HHIPL2: variants seen among roughly 807,000 people sequenced by gnomAD.
HHIPL2 encodes the protein HHIP-like protein 2.
Under a neutral mutation model 61.0 loss-of-function variants are expected in HHIPL2, and 61 were observed. The observed-to-expected ratio is 1.00, with a 90% CI of 0.81 to 1.24. The LOEUF (loss-of-function observed/expected upper bound fraction) is 1.24, where lower values mean the gene tolerates loss of function less well. Ranked by LOEUF, HHIPL2 falls within the 50% of genes most tolerant of loss-of-function variation. The pLI, the probability that HHIPL2 is intolerant of heterozygous loss-of-function variation, is 0.00. For synonymous variants in HHIPL2, 343 were observed against 357.4 expected, an observed-to-expected ratio of 0.96 and a Z score of 0.45; for missense variants, 885 against 910.2, an observed-to-expected ratio of 0.97 and a Z score of 0.36.
intron 5 of HHIPL2, among the ~76,000 whole-genome samples, chr1:222,536,832 T>G (rs1269143503): frequency 6.6e-6 from 1 of 152,074 alleles, no homozygotes; most frequent in Non-Finnish European, 1.5e-5. Flanking sequence ...GGAGAACAGC[T>G]TGAAGCCAGG....
chr1:222,539,018 T>C (rs1198861390), intron 4 of HHIPL2: 5 of 471,798 alleles, frequency 1.1e-5, no homozygotes, highest in Non-Finnish European at 1.5e-5. Context: ...ATTCCCTCCA[T>C]CTATGAGGCA....
chr1:222,538,854 T>G, intron 4 of HHIPL2, 80 bp from the exon 5 acceptor site: 1 of 1,451,574 alleles, frequency 6.9e-7, no homozygotes, highest in Non-Finnish European at 9.5e-7. Flanking sequence ...GACTTTTTAA[T>G]GCAGTTGCCT....
chr1:222,527,297 A>G (rs1046041812), intron 6 of HHIPL2, among the ~76,000 whole-genome samples: 3 of 152,184 alleles, frequency 2.0e-5, no homozygotes, highest in Non-Finnish European at 2.9e-5. Flanking sequence ...TTTCACGTGT[A>G]TGTTTGTTTA....
At chr1:222,536,256 AT>A (rs373290354) in intron 5 of HHIPL2, among the ~76,000 whole-genome samples, 1 of 152,116 alleles carries the variant, frequency 6.6e-6, no homozygotes, top group Non-Finnish European at 1.5e-5. Flanking sequence ...AACCAGACTG[AT>A]TTAAAAAAAA....
Position 222,540,085 on chromosome 1 carries a change from C to G in HHIPL2, c.1375G>C (p.Gly459Arg). 1 of 1,614,258 alleles carries G rather than the reference C, an allele frequency of 6.2e-7. No individual in the cohort carries two copies. Among genetic ancestry groups the G allele is most frequent in the South Asian group, 1.1e-5 (1 of 91,086 alleles). ...RFEEVDLILK[G>R]GNYGWRAKEG... ...TTTGCTCTCCAGCCATAGTTTCCAC[C>G]TTTCAAAATGAGGTCAACCTCTTCA... The change falls in exon 4 of 9, where the codon GGT (glycine) becomes CGT (arginine). Residue 459 changes from glycine to arginine, a missense_variant. Transcript: ENST00000343410.
chr1:222,535,445 C>T (rs559232602), intron 5 of HHIPL2, among the ~76,000 whole-genome samples: 13 of 152,284 alleles, frequency 8.5e-5, no homozygotes, highest in Middle Eastern at 3.4e-3. Context: ...CTACAAATTA[C>T]GACAACTTTG....
chr1:222,522,490 A>T lies in HHIPL2; in HGVS notation c.*111T>A. ...AGGGAGAGGAAAACCGCCCTGCCCC[A>T]CCTCTACCCTGGCTTCCCAGACTTC... On this transcript the variant is annotated 3_prime_UTR_variant, in exon 9 of 9. Coordinates refer to ENST00000343410, the MANE Select transcript of HHIPL2 (RefSeq NM_024746.4). 1 of 1,182,734 alleles carries T rather than the reference A, an allele frequency of 8.5e-7. No individual in the cohort carries two copies. The highest frequency in any genetic ancestry group is 1.5e-5 in the South Asian group (1 of 68,040). 73.3% of individuals were successfully genotyped at this position (1,182,734 alleles called of 1,614,324 possible). A position where few individuals can be genotyped will look rare whatever the true frequency, so the allele number is the denominator to read the frequency against.
At chr1:222,538,409 G>A (rs1461531386) in intron 5 of HHIPL2, among the ~76,000 whole-genome samples, 1 of 138,170 alleles carries the variant, frequency 7.2e-6, no homozygotes, top group Non-Finnish European at 1.5e-5. Flanking sequence ...TGAGCCCCTG[G>A]TATGAGAGAG....
In HHIPL2 at chr1:222,522,685, G is replaced by T. The variant is rs370605422; in HGVS notation, c.2091C>A (p.Gly697=). The part of the protein sequence containing the change: ...KARVGPHVRQ[G]KRRKSLKSHS... ...GGCTTTTCAGGCTCTTCCTCCTCTT[G>T]CCCTGGCGGACGTGGGGCCCCACTC... The change falls in exon 9 of 9, where the codon GGC becomes GGA. Residue 697 remains glycine (G), a synonymous_variant. Transcript: ENST00000343410. 1.4e-5 allele frequency: 22 copies of T among 1,613,956 alleles called. No individual in the cohort carries two copies. The highest frequency in any genetic ancestry group is 9.3e-5 in the African/African-American group (7 of 74,870).
chr1:222,534,957 A>C (rs4846381), intron 5 of HHIPL2, among the ~76,000 whole-genome samples: 70,152 of 151,954 alleles, frequency 0.46, 17,086 homozygotes, highest in East Asian at 0.66. Context: ...AAAGCTATAA[A>C]TTCACAGATC....
At chr1:222,546,827 C>T (rs1264231406) in intron 1 of HHIPL2, among the ~76,000 whole-genome samples, 2 of 152,194 alleles carry the variant, frequency 1.3e-5, no homozygotes, top group Non-Finnish European at 2.9e-5. Flanking sequence ...TCTGCAGGCT[C>T]AGGAACAGTG....
Position 222,540,327 on chromosome 1 carries a change from C to T in HHIPL2, c.1133G>A (p.Gly378Glu), listed in dbSNP as rs757002760. 1 of 1,605,518 alleles carries T rather than the reference C, an allele frequency of 6.2e-7. No homozygotes were observed. The highest frequency in any genetic ancestry group is 8.5e-7 in the Non-Finnish European group (1 of 1,174,780). Residue 378 changes from glycine (G) to glutamate (E), a missense_variant, in exon 4 of 9, where the codon GGA (glycine) becomes GAA (glutamate). By Grantham distance (98) the Gly-to-Glu change is moderately conservative. Coordinates refer to ENST00000343410, the MANE Select transcript of HHIPL2 (RefSeq NM_024746.4). ...GTTCACATCGATCCTTAAAACTTTT[C>T]CCAGCAGGGAACTTCTGAAAGAAAG... is the stretch of plus-strand genomic sequence containing the variant. ...GNAQNKSSLL[G>E]KVLRIDVNRA... is the part of the protein sequence containing the mutation.
Position 222,522,650 on chromosome 1 carries a change from C to G in HHIPL2, c.2126G>C (p.Arg709Thr). 6.2e-7 allele frequency: 1 copy of G among 1,614,206 alleles called. No homozygotes were observed. The highest frequency in any genetic ancestry group is 8.5e-7 in the Non-Finnish European group (1 of 1,180,042). Residue 709 changes from arginine (R) to threonine (T), a missense_variant, in exon 9 of 9, where the codon AGG becomes ACG. Arg to Thr is a moderately conservative substitution (Grantham distance 71). Coordinates refer to ENST00000343410, the MANE Select transcript of HHIPL2 (RefSeq NM_024746.4). ...RRKSLKSHSG[R>T]MRPSAEQKRA... ...CTTCTGCTCTGCTGATGGCCTCATCCTGCCACTGTGGCTTTTCAGGCTCTT... is the reference window on the plus strand; with the variant it reads ...CTTCTGCTCTGCTGATGGCCTCATCGTGCCACTGTGGCTTTTCAGGCTCTT...
chr1:222,527,066 T>C lies in HHIPL2; in HGVS notation c.1724-16A>G. ...TACAGCTCCCCTAAGGCAACAAAAA[T>C]AGACAGGCAATAATGGGACATCAGG... On this transcript the variant is annotated splice_polypyrimidine_tract_variant and intron_variant, in intron 6 of 8. Transcript: ENST00000343410. 6.3e-7 allele frequency: 1 copy of C among 1,599,850 alleles called. No individual in the cohort carries two copies. The highest frequency in any genetic ancestry group is 8.6e-7 in the Non-Finnish European group (1 of 1,168,612).
chr1:222,539,938 G>T, intron 4 of HHIPL2, 72 bp downstream of exon 4: 3 of 1,310,994 alleles, frequency 2.3e-6, no homozygotes, highest in Non-Finnish European at 3.2e-6. Flanking sequence ...GGACATTCAG[G>T]TTTTATTCCC....
chr1:222,543,112 G>T (rs1178195950), intron 2 of HHIPL2, among the ~76,000 whole-genome samples: 1 of 152,202 alleles, frequency 6.6e-6, no homozygotes, highest in Non-Finnish European at 1.5e-5. Context: ...TCCTCACCTG[G>T]CCATGCATCC....
intron 6 of HHIPL2, among the ~76,000 whole-genome samples, chr1:222,528,480 G>A (rs996696632): frequency 5.9e-5 from 9 of 152,192 alleles, no homozygotes; most frequent in East Asian, 3.9e-4. Context: ...GGTGGCACAC[G>A]CCTGTGATCC....
At position 222,547,762 on chromosome 1, in the gene HHIPL2, C is replaced by G; in HGVS notation, c.283G>C (p.Glu95Gln). 6.2e-7 allele frequency: 1 copy of G among 1,614,196 alleles called. No homozygotes were observed. Among genetic ancestry groups the G allele is most frequent in the South Asian group, 1.1e-5 (1 of 91,078 alleles). ...TCTTTAATGTAATCTCCACACAGCT[C>G]ATGTCTCTTCAGATCAAAATATTCC... ...IMEYFDLKRHELCGDYIKDIL... is the reference protein window; with the variant it reads ...IMEYFDLKRHQLCGDYIKDIL... Residue 95 changes from glutamate (E) to glutamine (Q), a missense_variant, in exon 1 of 9, where the codon GAG (glutamate) becomes CAG (glutamine). Coordinates refer to ENST00000343410, the MANE Select transcript of HHIPL2 (RefSeq NM_024746.4).
chr1:222,534,527 A>G (rs1470915384), intron 5 of HHIPL2, among the ~76,000 whole-genome samples: 1 of 149,754 alleles, frequency 6.7e-6, no homozygotes, highest in Non-Finnish European at 1.5e-5. Flanking sequence ...CAGTGAGCCG[A>G]GATCGTGCCA....
Sources: allele counts gnomAD v4.1 joint callset (sites outside exome capture counted in the v4.1 genomes callset), GRCh38; gene constraint gnomAD v4.1.1; transcripts MANE v1.5; gene names NCBI Gene and HGNC (gene_info 2026-07-23, HGNC 2026-07-21).